ZNF592: variants seen among roughly 807,000 people sequenced by gnomAD.
ZNF592 encodes zinc finger protein 592.
Under a neutral mutation model 80.3 loss-of-function variants are expected in ZNF592, and 11 were observed. The observed-to-expected ratio is 0.14, with a 90% CI of 0.09 to 0.23. The LOEUF (loss-of-function observed/expected upper bound fraction) is 0.23. ZNF592 is among the 10% of genes least tolerant of loss of function. The probability of loss-of-function intolerance (pLI) is 1.00; values close to 1 mark genes in which losing one functional copy is unlikely to be tolerated. For missense variants in ZNF592, 1,420 were observed against 1,633.9 expected (o/e 0.87, Z 2.26); for synonymous variants, 646 against 640.3 (o/e 1.01, Z -0.13).
At position 84,804,411 on chromosome 15, in the gene ZNF592, C is replaced by G. The variant is rs940358689; in HGVS notation, c.*2018C>G. ...AGAGCAGGCAGAGATGGTAGAATTG[C>G]AGGTTTGACCACCTGTCGTGACCCC... is the stretch of plus-strand genomic sequence containing the variant. On this transcript the variant is annotated 3_prime_UTR_variant, in exon 11 of 11. Transcript: ENST00000560079. 2 of 152,224 alleles carry G rather than the reference C, an allele frequency of 1.3e-5. No homozygotes were observed. The highest frequency in any genetic ancestry group is 4.8e-5 in the African/African-American group (2 of 41,450). 9.4% of individuals were successfully genotyped at this position (152,224 alleles called of 1,614,324 possible).
chr15:84,748,742 G>GCCGGGA (rs1017534234), intron 1 of ZNF592, 78 bp downstream of exon 1: 2 of 147,446 alleles, frequency 1.4e-5, no homozygotes, highest in African/African-American at 4.9e-5. Context: ...GAGGATCGCA[G>GCCGGGA]CCGGGACCGA....
chr15:84,795,968 T>TC (rs1962882780), intron 5 of ZNF592, among the ~76,000 whole-genome samples: 1 of 151,856 alleles, frequency 6.6e-6, no homozygotes, highest in African/African-American at 2.4e-5. Flanking sequence ...ACGCCTGTAA[T>TC]CCCAGCAATT....
chr15:84,749,667 T>A (rs1420310045), intron 1 of ZNF592, among the ~76,000 whole-genome samples: 1 of 152,140 alleles, frequency 6.6e-6, no homozygotes, highest in Non-Finnish European at 1.5e-5. Flanking sequence ...ATGGAGGGCC[T>A]GTAGGGTGCT....
Position 84,784,130 on chromosome 15 carries a change from C to T in ZNF592, c.1455C>T (p.Ser485=). The change falls in exon 4 of 11, where the codon AGC becomes AGT. Residue 485 remains serine, a synonymous_variant. Transcript: ENST00000560079. This position sits in a 1 kb window ranked among gnomAD's most constrained non-coding sequence, Gnocchi z 5.8. Reference sequence around the variant, plus strand: ...CACAGACAGGCAAGAAGCAACAGAGCACAGCACTGCAGGCATCCACCCTGG... The same window carrying T: ...CACAGACAGGCAAGAAGCAACAGAGTACAGCACTGCAGGCATCCACCCTGG... ...PGSQTGKKQQ[S]TALQASTLAP... 6.2e-7 allele frequency: 1 copy of T among 1,614,164 alleles called. No homozygotes were observed. Among genetic ancestry groups the T allele is most frequent in the Non-Finnish European group, 8.5e-7 (1 of 1,180,046 alleles).
In ZNF592 at chr15:84,782,811, A is replaced by G. The variant is rs147682635; in HGVS notation, c.136A>G (p.Ile46Val). The change falls in exon 4 of 11, where the codon ATA (isoleucine) becomes GTA (valine). Residue 46 changes from isoleucine to valine, a missense_variant. Ile to Val is a conservative substitution (Grantham distance 29). Transcript: ENST00000560079. ...TGAGAGTCCCCTCAAACCTCCAGGC[A>G]TATGTATGGATGAAAGTGTGTCCTT... ...ENESPLKPPG[I>V]CMDESVSLSH... 1.3e-5 allele frequency: 21 copies of G among 1,614,018 alleles called. No homozygotes were observed. The East Asian group carries it at 1.3e-4, about 10-fold the overall frequency.
Position 84,798,516 on chromosome 15 carries a change from G to A in ZNF592, c.2736+42G>A. 6.2e-7 allele frequency: 1 copy of A among 1,613,874 alleles called. No individual in the cohort carries two copies. Among genetic ancestry groups the A allele is most frequent in the Non-Finnish European group, 8.5e-7 (1 of 1,179,876 alleles). On this transcript the variant is annotated intron_variant, in intron 7 of 10. Coordinates refer to ENST00000560079, the MANE Select transcript of ZNF592 (RefSeq NM_014630.3). This position sits in a 1 kb window ranked among gnomAD's most constrained non-coding sequence, Gnocchi z 4.5. Reference sequence around the variant, plus strand: ...GAGGAGGCCGGGGAGGAGGGCACATGCCTCAGGCTGGGGGTCTGACTCTGT... The same window carrying A: ...GAGGAGGCCGGGGAGGAGGGCACATACCTCAGGCTGGGGGTCTGACTCTGT...
chr15:84,792,621 T>C (rs1386323493), intron 5 of ZNF592, among the ~76,000 whole-genome samples: 1 of 152,044 alleles, frequency 6.6e-6, no homozygotes, highest in Non-Finnish European at 1.5e-5. Flanking sequence ...TGGCTAACTT[T>C]TTGTGCTTTT....
chr15:84,790,001 G>T (rs1339630179), intron 4 of ZNF592, among the ~76,000 whole-genome samples: 1 of 152,192 alleles, frequency 6.6e-6, no homozygotes, highest in Non-Finnish European at 1.5e-5. Flanking sequence ...TTCTCCTGGG[G>T]CTGGGAACAA....
rs1365434101 is a variant in ZNF592 at position 84,782,859 on chromosome 15, G to A, written c.184G>A (p.Asp62Asn). ...VSLSHSGSAPDVPAVSVIVKN... is the reference protein window; with the variant it reads ...VSLSHSGSAPNVPAVSVIVKN... ...CTTGTCTCACTCAGGATCAGCCCCC[G>A]ATGTGCCGGCCGTGAGTGTCATTGT... The change falls in exon 4 of 11, where the codon GAT becomes AAT. Residue 62 changes from aspartate to asparagine, a missense_variant. By Grantham distance (23) the Asp-to-Asn change is conservative. Coordinates refer to ENST00000560079, the MANE Select transcript of ZNF592 (RefSeq NM_014630.3). 3.7e-6 allele frequency: 6 copies of A among 1,614,010 alleles called. No homozygotes were observed. The highest frequency in any genetic ancestry group is 3.3e-5 in the Admixed American group (2 of 59,992).
At chr15:84,796,707 TA>T (rs138539606) in intron 5 of ZNF592, among the ~76,000 whole-genome samples, 12,158 of 148,732 alleles carry the variant, frequency 0.082, 636 homozygotes, top group East Asian at 0.23. Context: ...TTATGCATTG[TA>T]AAAAAAAAAT....
At chr15:84,756,013 C>T (rs1308612203) in intron 1 of ZNF592, among the ~76,000 whole-genome samples, 3 of 152,122 alleles carry the variant, frequency 2.0e-5, no homozygotes, top group East Asian at 3.9e-4. Flanking sequence ...GAAATCATTC[C>T]TTTTCTGGTG....
At chr15:84,753,718 C>T (rs1247961802) in intron 1 of ZNF592, among the ~76,000 whole-genome samples, 1 of 152,228 alleles carries the variant, frequency 6.6e-6, no homozygotes, top group African/African-American at 2.4e-5. Flanking sequence ...AATGATCCGC[C>T]TGCCTTGGCC....
chr15:84,783,645 A>C lies in ZNF592; in HGVS notation c.970A>C (p.Lys324Gln). The C allele has an allele frequency of 4.3e-6, 7 of 1,614,206 alleles. No homozygotes were observed. The highest frequency in any genetic ancestry group is 5.9e-6 in the Non-Finnish European group (7 of 1,180,034). Residue 324 changes from lysine (K) to glutamine (Q), a missense_variant, in exon 4 of 11, where the codon AAA becomes CAA. This residue lies in a region of ZNF592 where 524 missense variants were observed against 628.3 expected (regional missense o/e 0.83). Transcript: ENST00000560079. This position sits in a 1 kb window ranked among gnomAD's most constrained non-coding sequence, Gnocchi z 5.0. ...TAAAGAGAGTTCTAAAGGTAGCCCC[A>C]AAATGCCCAAGTCACCAAAGAGTCC... ...PTKESSKGSP[K>Q]MPKSPKSPRS...
intron 2 of ZNF592, among the ~76,000 whole-genome samples, chr15:84,766,023 TG>T (rs1398121703): frequency 6.6e-6 from 1 of 151,848 alleles, no homozygotes; most frequent in East Asian, 1.9e-4. Context: ...TTTTATGTTT[TG>T]TTTTTTTGAG....
chr15:84,749,863 T>G (rs1466479986), intron 1 of ZNF592, among the ~76,000 whole-genome samples: 1 of 152,254 alleles, frequency 6.6e-6, no homozygotes, highest in Non-Finnish European at 1.5e-5. Flanking sequence ...TTTTCCAATT[T>G]TTCAACTAGT....
At chr15:84,794,629 A>G (rs1233250935) in intron 5 of ZNF592, among the ~76,000 whole-genome samples, 1 of 151,894 alleles carries the variant, frequency 6.6e-6, no homozygotes, top group African/African-American at 2.4e-5. Context: ...GACGCCCACC[A>G]CCATTCCTGG....
chr15:84,777,116 G>C (rs1962276144), intron 2 of ZNF592, among the ~76,000 whole-genome samples: 1 of 151,746 alleles, frequency 6.6e-6, no homozygotes, highest in African/African-American at 2.4e-5. Context: ...TTTTTGGCCT[G>C]CCTAGTTTCT....
intron 5 of ZNF592, among the ~76,000 whole-genome samples, chr15:84,792,546 G>T (rs1289589485): frequency 6.6e-6 from 1 of 152,148 alleles, no homozygotes; most frequent in Non-Finnish European, 1.5e-5. Flanking sequence ...GACCTCCCGA[G>T]CTCAGGTGAT....
At chr15:84,755,882 T>C (rs949831268) in intron 1 of ZNF592, among the ~76,000 whole-genome samples, 6 of 152,220 alleles carry the variant, frequency 3.9e-5, no homozygotes, top group Non-Finnish European at 7.3e-5. Flanking sequence ...GCACCTCTGA[T>C]TGGGATAGTC....
Sources: gnomAD v4.1 joint callset for allele counts (sites outside exome capture counted in the v4.1 genomes callset) on GRCh38, gnomAD v4.1.1 for gene constraint, gnomAD v4.1.1 regional missense constraint, Gnocchi (gnomAD v3.1) non-coding constraint, MANE v1.5 for transcripts, NCBI Gene and HGNC (gene_info 2026-07-23, HGNC 2026-07-21) for gene names.